MSR1: variants seen among roughly 807,000 people sequenced by gnomAD.
MSR1 encodes macrophage scavenger receptor types I and II.
A neutral mutation model predicts 47.2 loss-of-function variants in MSR1; 53 were observed. The ratio of observed to expected loss-of-function variants is 1.12; its 90% confidence interval spans 0.90 to 1.41. MSR1 has a LOEUF of 1.41. MSR1 is among the 40% of genes most tolerant of loss of function. MSR1 has a pLI of 0.00. For synonymous variants in MSR1, 239 were observed against 185.6 expected (o/e 1.29, Z -2.34); for missense variants, 786 against 546.9 (o/e 1.44, Z -4.36).
At chr8:16,187,142 C>T (rs903900324) in intron 1 of MSR1, among the ~76,000 whole-genome samples, 2 of 151,694 alleles carry the variant, frequency 1.3e-5, no homozygotes, top group South Asian at 2.1e-4. Context: ...GCGGGTGGAT[C>T]ACCTGAGGTC....
At chr8:16,121,727 A>C (rs1293407399) in intron 8 of MSR1, among the ~76,000 whole-genome samples, 1 of 151,846 alleles carries the variant, frequency 6.6e-6, no homozygotes, top group Admixed American at 6.6e-5. Context: ...TATAAGTTTG[A>C]GGAATGTTAT....
intron 5 of MSR1, 105 bp from the exon 6 acceptor site, chr8:16,155,249 T>C: frequency 1.3e-6 from 1 of 794,448 alleles, no homozygotes; most frequent in Non-Finnish European, 2.1e-6. Flanking sequence ...CTTCTATTTG[T>C]TGTGCAATAA....
intron 4 of MSR1, among the ~76,000 whole-genome samples, chr8:16,166,562 A>G (rs1801317136): frequency 6.6e-6 from 1 of 152,050 alleles, no homozygotes; most frequent in African/African-American, 2.4e-5. Context: ...GGAAAAGTGT[A>G]TTTAATTTCA....
chr8:16,190,901 A>C (rs1585206423), intron 1 of MSR1, among the ~76,000 whole-genome samples: 1 of 152,030 alleles, frequency 6.6e-6, no homozygotes, highest in East Asian at 1.9e-4. Context: ...TTGTATTTTC[A>C]GTAGAGACAG....
rs1801028292 is a variant in MSR1 at position 16,156,935 on chromosome 8, A to T, written c.818-1791T>A. On this transcript the variant is annotated intron_variant, in intron 5 of 9. Coordinates refer to ENST00000262101, the MANE Select transcript of MSR1 (RefSeq NM_138715.3). ...TGGAGTTATGGTAACTTCCATAACC[A>T]TGAACGCAGCTGCATCCATTCAACA... 2.0e-5 allele frequency among the ~76,000 whole-genome samples: 3 copies of T among 151,990 alleles called. No individual in the cohort carries two copies. In the South Asian group the frequency reaches 6.2e-4, roughly 31 times the overall value.
chr8:16,120,615 TTAAAAAAAA>T lies in MSR1; in HGVS notation c.1034-18_1034-10del, dbSNP rs757567200. 296 of 1,333,530 alleles carry T rather than the reference TTAAAAAAAA, an allele frequency of 2.2e-4. No individual in the cohort carries two copies. Among genetic ancestry groups the T allele is most frequent in the Admixed American group, 2.2e-3 (57 of 25,910 alleles). The allele number at this position is 1,333,530 out of a possible 1,614,324, so 82.6% of individuals were successfully genotyped here. On this transcript the variant is annotated splice_polypyrimidine_tract_variant and intron_variant, in intron 8 of 9. Transcript: ENST00000262101. The stretch of plus-strand genomic sequence containing the variant: ...AACTTTCGTAAATGGAGCTGTAAAG[TTAAAAAAAA>T]AAAAAAAAAAAAAAAAAGGCAAGCA...
chr8:16,149,336 C>A (rs1173941230), intron 7 of MSR1, among the ~76,000 whole-genome samples: 1 of 152,054 alleles, frequency 6.6e-6, no homozygotes, highest in African/African-American at 2.4e-5. Flanking sequence ...TAAAACTGTT[C>A]TAAAAATAAA....
chr8:16,166,464 G>A (rs796985746), intron 4 of MSR1, among the ~76,000 whole-genome samples: 18 of 151,984 alleles, frequency 1.2e-4, no homozygotes, highest in African/African-American at 4.3e-4. Context: ...CCTGGCAGCT[G>A]AGGCTGCCTT....
chr8:16,176,302 T>C (rs1454206572), intron 2 of MSR1, among the ~76,000 whole-genome samples: 1 of 147,738 alleles, frequency 6.8e-6, no homozygotes, highest in African/African-American at 2.5e-5. Flanking sequence ...AGCCTAGGAG[T>C]TTGAGACCAG....
chr8:16,139,200 A>C, intron 8 of MSR1: 2 of 868,368 alleles, frequency 2.3e-6, no homozygotes, highest in Non-Finnish European at 1.4e-6. Flanking sequence ...ACATTTATTC[A>C]GCTTCTTGCA....
At chr8:16,153,050 A>T (rs1376185482) in intron 6 of MSR1, among the ~76,000 whole-genome samples, 2 of 152,074 alleles carry the variant, frequency 1.3e-5, no homozygotes, top group Non-Finnish European at 2.9e-5. Context: ...ATTCTACTAT[A>T]TTTAATGTAT....
At chr8:16,153,460 G>C (rs73665225) in intron 6 of MSR1, among the ~76,000 whole-genome samples, 6,150 of 151,896 alleles carry the variant, frequency 0.04, 448 homozygotes, top group African/African-American at 0.14. Context: ...ATGAGGAACT[G>C]GGTAATGCCT....
In MSR1 at chr8:16,155,124, C is replaced by T. The variant is rs567355202; in HGVS notation, c.838G>A (p.Glu280Lys). The change falls in exon 6 of 10, where the codon GAA (glutamate) becomes AAA (lysine). Residue 280 changes from glutamate (E) to lysine (K), a missense_variant. Physicochemically the swap from Glu to Lys is moderately conservative, Grantham distance 56. Transcript: ENST00000262101. ...CCAGTGGGACCTCGATCTCCTTTTT[C>T]ACCCGGGGGTCCAGGAGGACCTTTA... is the stretch of plus-strand genomic sequence containing the variant. ...LIQGPPGPPG[E>K]KGDRGPTGES... is the part of the protein sequence containing the mutation. 54 of 1,612,016 alleles carry T rather than the reference C, an allele frequency of 3.3e-5. No homozygotes were observed. The South Asian group carries it at 5.5e-4, about 16-fold the overall frequency.
At chr8:16,164,568 G>A (rs182493135) in intron 4 of MSR1, among the ~76,000 whole-genome samples, 1 of 151,770 alleles carries the variant, frequency 6.6e-6, no homozygotes, top group African/African-American at 2.4e-5. Context: ...ACACCATAAG[G>A]TCTTAATTTA....
chr8:16,164,852 T>C (rs1013246528), intron 4 of MSR1, among the ~76,000 whole-genome samples: 1 of 152,064 alleles, frequency 6.6e-6, no homozygotes, highest in African/African-American at 2.4e-5. Context: ...TGTATATTTA[T>C]ACATACACAT....
intron 8 of MSR1, among the ~76,000 whole-genome samples, chr8:16,133,114 TA>T: frequency 6.6e-6 from 1 of 152,210 alleles, no homozygotes; most frequent in South Asian, 2.1e-4. Flanking sequence ...ATGGGGAGAT[TA>T]AAACAGTTTG....
chr8:16,139,883 T>C (rs933750183), intron 8 of MSR1: 7 of 432,912 alleles, frequency 1.6e-5, no homozygotes, highest in Non-Finnish European at 2.1e-5. Context: ...TTTTAAAAAA[T>C]ATTCTAAGGA....
At chr8:16,150,875 C>G (rs1280870883) in intron 6 of MSR1, among the ~76,000 whole-genome samples, 1 of 151,572 alleles carries the variant, frequency 6.6e-6, no homozygotes, top group East Asian at 1.9e-4. Flanking sequence ...CACACACACA[C>G]ACACACACAC....
intron 5 of MSR1, 150 bp downstream of exon 5, chr8:16,163,915 T>C: frequency 4.6e-6 from 3 of 646,822 alleles, no homozygotes; most frequent in Non-Finnish European, 7.3e-6. Flanking sequence ...TTTATCTGAT[T>C]TTCATATTCT....
Sources: gnomAD v4.1 joint callset for allele counts (sites outside exome capture counted in the v4.1 genomes callset) on GRCh38, gnomAD v4.1.1 for gene constraint, MANE v1.5 for transcripts, NCBI Gene and HGNC (gene_info 2026-07-23, HGNC 2026-07-21) for gene names.